Variants in CDH5 observed in about 807,000 individuals in gnomAD.
The protein encoded by CDH5 is cadherin-5.
CDH5 carries 28 observed loss-of-function variants against 62.0 expected under a neutral mutation model. The observed-to-expected ratio is 0.45, with a 90% CI of 0.33 to 0.62. The LOEUF is 0.62. Ranked by LOEUF, CDH5 falls within the 20% of genes least tolerant of loss-of-function variation. The probability of loss-of-function intolerance (pLI) is 0.02; values close to 1 mark genes in which losing one functional copy is unlikely to be tolerated. For missense variants in CDH5, 940 were observed against 1,065.1 expected (o/e 0.88, Z 1.63); for synonymous variants, 464 against 445.8 (o/e 1.04, Z -0.52).
chr16:66,378,721 T>C (rs535602651), intron 1 of CDH5, among the ~76,000 whole-genome samples: 1 of 152,318 alleles, frequency 6.6e-6, no homozygotes, highest in Admixed American at 6.5e-5. Context: ...CCATATCCCC[T>C]GCACTTGCTT....
At chr16:66,387,128 C>A in intron 3 of CDH5, 31 bp downstream of exon 3, 1 of 1,586,476 alleles carries the variant, frequency 6.3e-7, no homozygotes. Flanking sequence ...GTCCTCCTCC[C>A]TCCCTCATCC....
intron 6 of CDH5, among the ~76,000 whole-genome samples, chr16:66,391,187 A>G (rs1161449936): frequency 6.6e-6 from 1 of 152,178 alleles, no homozygotes; most frequent in Non-Finnish European, 1.5e-5. Flanking sequence ...CCTGGGCCTG[A>G]GTCCTTCTCT....
chr16:66,391,379 G>A (rs1298184871), intron 6 of CDH5, among the ~76,000 whole-genome samples: 2 of 152,132 alleles, frequency 1.3e-5, no homozygotes, highest in Non-Finnish European at 2.9e-5. Context: ...GGGTTTCTGA[G>A]AGAGCATCTG....
rs2142344925 is a variant in CDH5, at chr16:66,400,990, T to C, written c.1811T>C (p.Ile604Thr). The C allele has an allele frequency of 6.2e-7, 1 of 1,614,022 alleles. No homozygotes were observed. The highest frequency in any genetic ancestry group is 1.1e-5 in the South Asian group (1 of 91,080). The change falls in exon 11 of 12, where the codon ATC becomes ACC. Residue 604 changes from isoleucine (I) to threonine (T), a missense_variant. Transcript: ENST00000341529. ...VGVSIQAVVA[I>T]LLCILTITVI... ...GTGAGCATCCAGGCAGTGGTAGCCA[T>C]CTTACTCTGCATCCTCACCATCACA...
chr16:66,396,976 C>T (rs558532939), intron 8 of CDH5, among the ~76,000 whole-genome samples: 1 of 152,210 alleles, frequency 6.6e-6, no homozygotes, highest in South Asian at 2.1e-4. Flanking sequence ...CCACATAATC[C>T]CATTCATAGA....
In CDH5 at chr16:66,379,614, T is replaced by C; in HGVS notation, c.210+67T>C. 3 of 1,394,264 alleles carry C rather than the reference T, an allele frequency of 2.2e-6. No homozygotes were observed. The South Asian group carries it at 3.5e-5, about 16-fold the overall frequency. 86.4% of individuals were successfully genotyped at this position (1,394,264 alleles called of 1,614,324 possible). On this transcript the variant is annotated intron_variant, in intron 2 of 11. Transcript: ENST00000341529. ...GGCCCATAGTGACAAGTGGTGGTGG[T>C]GATGGCGATGGTGGCAAAGGTGGTA...
Position 66,392,195 on chromosome 16 carries a change from C to T in CDH5, c.1029C>T (p.Thr343=), listed in dbSNP as rs149651068. 227 of 1,614,178 alleles carry T rather than the reference C, an allele frequency of 1.4e-4. No homozygotes were observed. Among genetic ancestry groups the T allele is most frequent in the Middle Eastern group, 4.9e-4 (3 of 6,062 alleles). Residue 343 remains threonine, a synonymous_variant, in exon 7 of 12, where the codon ACC becomes ACT. Transcript: ENST00000341529. Reference sequence around the variant, plus strand: ...TCATCGTCGAGGCCACAGACCCCACCATCGACCTCCGATACATGAGCCCTC... The same window carrying T: ...TCATCGTCGAGGCCACAGACCCCACTATCGACCTCCGATACATGAGCCCTC... ...YSFIVEATDP[T]IDLRYMSPPA...
Position 66,403,382 on chromosome 16 carries a change from T to C in CDH5, c.*213T>C. 3 of 582,544 alleles carry C rather than the reference T, an allele frequency of 5.1e-6. No individual in the cohort carries two copies. In the South Asian group the frequency reaches 6.2e-5, roughly 12 times the overall value. The allele number at this position is 582,544 out of a possible 1,614,324, so 36.1% of individuals were successfully genotyped here. Reference sequence around the variant, plus strand: ...GTCAGTGATGACTATTCTCAAATGCTGGCAAATCCAGGCTGGTGTTCTGTC... The same window carrying C: ...GTCAGTGATGACTATTCTCAAATGCCGGCAAATCCAGGCTGGTGTTCTGTC... On this transcript the variant is annotated 3_prime_UTR_variant, in exon 12 of 12. Coordinates refer to ENST00000341529, the MANE Select transcript of CDH5 (RefSeq NM_001795.5). This position sits in a 1 kb window ranked among gnomAD's most constrained non-coding sequence, Gnocchi z 4.3.
chr16:66,390,985 A>G (rs1961074574), intron 6 of CDH5, among the ~76,000 whole-genome samples: 1 of 152,204 alleles, frequency 6.6e-6, no homozygotes, highest in African/African-American at 2.4e-5. Flanking sequence ...CTGGCCTGCC[A>G]TGTGTCCTGG....
At position 66,392,791 on chromosome 16, in the gene CDH5, AC is replaced by A; in HGVS notation, c.1217+409del. 23 of 190,950 alleles carry A rather than the reference AC, an allele frequency of 1.2e-4. No homozygotes were observed. The East Asian group carries it at 1.9e-3, about 15-fold the overall frequency. 11.8% of individuals were successfully genotyped at this position (190,950 alleles called of 1,614,324 possible). Reference sequence around the variant, plus strand: ...CAAAAGTAAGAAGTGTTCATTTTATACAGTGAAACAACACAGAGATCTACCA... The same window carrying A: ...CAAAAGTAAGAAGTGTTCATTTTATAAGTGAAACAACACAGAGATCTACCA... On this transcript the variant is annotated intron_variant, in intron 7 of 11. Coordinates refer to ENST00000341529, the MANE Select transcript of CDH5 (RefSeq NM_001795.5).
At chr16:66,378,316 A>T (rs1432617230) in intron 1 of CDH5, among the ~76,000 whole-genome samples, 1 of 152,208 alleles carries the variant, frequency 6.6e-6, no homozygotes, top group African/African-American at 2.4e-5. Flanking sequence ...CGGGCCAGAC[A>T]ACCTTGGTTC....
intron 2 of CDH5, among the ~76,000 whole-genome samples, chr16:66,381,644 G>A (rs1469843053): frequency 6.6e-6 from 1 of 152,188 alleles, no homozygotes; most frequent in Non-Finnish European, 1.5e-5. Context: ...ACCGGACTGG[G>A]TGCCAGAAAG....
At chr16:66,390,325 G>C in intron 5 of CDH5, 78 bp from the exon 6 acceptor site, 1 of 1,085,820 alleles carries the variant, frequency 9.2e-7, no homozygotes, top group South Asian at 1.7e-5. Context: ...ATCAAAATAT[G>C]TTAGAATAGC....
intron 2 of CDH5, among the ~76,000 whole-genome samples, chr16:66,382,628 G>T (rs1960917727): frequency 6.6e-6 from 1 of 152,180 alleles, no homozygotes; most frequent in Non-Finnish European, 1.5e-5. Flanking sequence ...TCGCCCAAGG[G>T]TTTCTAGCAG....
intron 1 of CDH5, among the ~76,000 whole-genome samples, chr16:66,370,912 G>T (rs749597293): frequency 3.3e-5 from 5 of 152,202 alleles, no homozygotes; most frequent in Non-Finnish European, 5.9e-5. Context: ...GGCAGGGTGG[G>T]CAGGGGACAA....
chr16:66,390,303 C>T (rs1442937642), intron 5 of CDH5, 100 bp from the exon 6 acceptor site: 2 of 858,186 alleles, frequency 2.3e-6, no homozygotes, highest in African/African-American at 1.7e-5. Context: ...TTTTATTATG[C>T]CCATTTCTTT....
chr16:66,386,101 C>T (rs529210086), intron 2 of CDH5, among the ~76,000 whole-genome samples: 15 of 152,268 alleles, frequency 9.9e-5, no homozygotes, highest in South Asian at 2.1e-4. Context: ...GTGACTTCTA[C>T]AGGGCAAAAA....
chr16:66,402,345 G>A (rs1266145709), intron 11 of CDH5, among the ~76,000 whole-genome samples: 2 of 149,648 alleles, frequency 1.3e-5, no homozygotes, highest in Admixed American at 6.6e-5. Flanking sequence ...ACCTGCCCCT[G>A]GGTGTGGGGG....
chr16:66,401,439 A>G (rs1365045746), intron 11 of CDH5, among the ~76,000 whole-genome samples: 1 of 152,234 alleles, frequency 6.6e-6, no homozygotes, highest in Non-Finnish European at 1.5e-5. Flanking sequence ...AAAAACTTCT[A>G]GTTTAGATTG....
Sources: allele counts gnomAD v4.1 joint callset (sites outside exome capture counted in the v4.1 genomes callset), GRCh38; gene constraint gnomAD v4.1.1; non-coding constraint Gnocchi (gnomAD v3.1); transcripts MANE v1.5; gene names NCBI Gene and HGNC (gene_info 2026-07-23, HGNC 2026-07-21).